NCR1: variants seen among roughly 807,000 people sequenced by gnomAD.
The protein encoded by NCR1 is natural cytotoxicity triggering receptor 1.
A neutral mutation model predicts 32.5 loss-of-function variants in NCR1; 30 were observed. The ratio of observed to expected loss-of-function variants is 0.92; its 90% confidence interval spans 0.69 to 1.25. The LOEUF (loss-of-function observed/expected upper bound fraction) is 1.25. NCR1 is among the 50% of genes most tolerant of loss of function. The probability of loss-of-function intolerance (pLI) is 0.00; values close to 1 mark genes in which losing one functional copy is unlikely to be tolerated. For synonymous variants in NCR1, 169 were observed against 143.4 expected, an observed-to-expected ratio of 1.18 and a Z score of -1.28; for missense variants, 369 against 380.7, an observed-to-expected ratio of 0.97 and a Z score of 0.26.
At chr19:54,933,950 GTGT>G in the NCR1 span, among the ~76,000 whole-genome samples, 5 of 152,080 alleles carry the variant, frequency 3.3e-5, no homozygotes, top group African/African-American at 4.8e-5. Flanking sequence ...CAGGACACAG[GTGT>G]TGTTTTTGAG....
the NCR1 span, chr19:54,930,667 C>T: frequency 1.2e-6 from 2 of 1,613,212 alleles, no homozygotes; most frequent in Non-Finnish European, 1.7e-6. Context: ...TTGCTGTAAC[C>T]TACAGGATAA....
the NCR1 span, among the ~76,000 whole-genome samples, chr19:54,926,724 T>C: frequency 6.6e-6 from 1 of 151,996 alleles, no homozygotes; most frequent in Non-Finnish European, 1.5e-5. Flanking sequence ...GAGACCAGCC[T>C]GGCCAACATG....
At chr19:54,929,338 C>T in the NCR1 span, among the ~76,000 whole-genome samples, 2 of 152,028 alleles carry the variant, frequency 1.3e-5, no homozygotes, top group Non-Finnish European at 2.9e-5. Flanking sequence ...GCACTCCAGC[C>T]TGGGTGACAA....
chr19:54,926,916 TAAAAAAA>T, the NCR1 span, among the ~76,000 whole-genome samples: 11 of 26,656 alleles, frequency 4.1e-4, no homozygotes, highest in South Asian at 1.9e-3. Context: ...ACTCTGTCTT[TAAAAAAA>T]AAAAAAAAAA....
At chr19:54,934,546 C>T in the NCR1 span, 9 of 1,614,140 alleles carry the variant, frequency 5.6e-6, no homozygotes, top group Non-Finnish European at 7.6e-6. This position sits in a 1 kb window ranked among gnomAD's most constrained non-coding sequence, Gnocchi z 6.7. Flanking sequence ...CAACATGGCA[C>T]CCTCATCCAG....
chr19:54,912,640 A>AAT, intron 6 of NCR1, 50 bp from the exon 7 acceptor site: 1 of 522,358 alleles, frequency 1.9e-6, no homozygotes, highest in Non-Finnish European at 3.3e-6. Context: ...AAAAAAAAAG[A>AAT]GGGTGTCCTT....
the NCR1 span, chr19:54,934,437 T>C: frequency 6.3e-7 from 1 of 1,591,678 alleles, no homozygotes; most frequent in Non-Finnish European, 8.6e-7. This position sits in a 1 kb window ranked among gnomAD's most constrained non-coding sequence, Gnocchi z 6.7. Context: ...ACCCTTTCTC[T>C]TCTATAGCCC....
chr19:54,919,299 T>G (rs1452661227), downstream of NCR1, among the ~76,000 whole-genome samples: 6 of 151,398 alleles, frequency 4.0e-5, no homozygotes, highest in South Asian at 2.1e-4. Flanking sequence ...CCCGAATGTC[T>G]GGCTGCGCTG....
At chr19:54,928,762 G>A in the NCR1 span, among the ~76,000 whole-genome samples, 15 of 152,110 alleles carry the variant, frequency 9.9e-5, no homozygotes, top group East Asian at 1.7e-3. Flanking sequence ...TAACTTACAC[G>A]AGGATCCCCC....
downstream of NCR1, among the ~76,000 whole-genome samples, chr19:54,919,811 G>A (rs1176928416): frequency 1.3e-5 from 2 of 150,720 alleles, no homozygotes; most frequent in East Asian, 2.0e-4. Flanking sequence ...TCCGCTTGGT[G>A]ACGGGTGTCT....
At chr19:54,931,965 C>T in the NCR1 span, among the ~76,000 whole-genome samples, 2 of 152,048 alleles carry the variant, frequency 1.3e-5, no homozygotes, top group Non-Finnish European at 2.9e-5. Flanking sequence ...CCCTGGGTCA[C>T]TTATTTTCTG....
At chr19:54,919,713 G>GTCC (rs1391605688), downstream of NCR1, among the ~76,000 whole-genome samples, 1 of 107,738 alleles carries the variant, frequency 9.3e-6, no homozygotes, top group African/African-American at 4.1e-5. Context: ...GGGAAAGGGA[G>GTCC]ACCCCCCCCC....
downstream of NCR1, among the ~76,000 whole-genome samples, chr19:54,920,567 G>T (rs1336684742): frequency 6.6e-6 from 1 of 152,064 alleles, no homozygotes; most frequent in African/African-American, 2.4e-5. Context: ...CAGCTCACGC[G>T]TGTAATCCCA....
At chr19:54,899,590 C>T in the NCR1 span, among the ~76,000 whole-genome samples, 3 of 151,722 alleles carry the variant, frequency 2.0e-5, no homozygotes, top group African/African-American at 7.3e-5. Flanking sequence ...AATAAGGGAT[C>T]GGGGGATTCT....
At chr19:54,927,474 T>G in the NCR1 span, 1 of 819,300 alleles carries the variant, frequency 1.2e-6, no homozygotes, top group Non-Finnish European at 2.0e-6. Flanking sequence ...GAGAATTGCT[T>G]GAACCTGAGA....
chr19:54,915,727 A>T (rs2068118159), downstream of NCR1: 1 of 151,710 alleles, frequency 6.6e-6, no homozygotes. Flanking sequence ...CTGTAATCCT[A>T]GCTACTCAGA....
At chr19:54,903,027 G>A (rs2067328227), upstream of NCR1, among the ~76,000 whole-genome samples, 1 of 152,048 alleles carries the variant, frequency 6.6e-6, no homozygotes. Context: ...CTACTTGGGA[G>A]GCTAGAACAG....
the NCR1 span, among the ~76,000 whole-genome samples, chr19:54,898,857 G>GCTAGT: frequency 3.9e-5 from 6 of 152,258 alleles, no homozygotes; most frequent in Non-Finnish European, 4.4e-5. Flanking sequence ...TTGGGGGAGG[G>GCTAGT]CTAGTCATGG....
chr19:54,899,945 TAAGAG>T, the NCR1 span, among the ~76,000 whole-genome samples: 1 of 152,026 alleles, frequency 6.6e-6, no homozygotes, highest in Non-Finnish European at 1.5e-5. Context: ...GAACTGAAAT[TAAGAG>T]AAGGGAGAGA....
Sources: allele counts gnomAD v4.1 joint callset (sites outside exome capture counted in the v4.1 genomes callset), GRCh38; gene constraint gnomAD v4.1.1; non-coding constraint Gnocchi (gnomAD v3.1); transcripts MANE v1.5; gene names NCBI Gene and HGNC (gene_info 2026-07-23, HGNC 2026-07-21).